STK10: variants seen among roughly 807,000 people sequenced by gnomAD.
The protein encoded by STK10 is serine/threonine-protein kinase 10.
STK10 carries 78 observed loss-of-function variants against 113.8 expected under a neutral mutation model. The observed-to-expected ratio is 0.69, with a 90% CI of 0.57 to 0.83. STK10 has a LOEUF of 0.83. Ranked by LOEUF, STK10 falls within the 40% of genes least tolerant of loss-of-function variation. The pLI, the probability that STK10 is intolerant of heterozygous loss-of-function variation, is 0.00. For synonymous variants in STK10, 465 were observed against 494.7 expected, an observed-to-expected ratio of 0.94 and a Z score of 0.80; for missense variants, 1,109 against 1,280.1, an observed-to-expected ratio of 0.87 and a Z score of 2.04.
At chr5:172,118,707 T>C (rs1303748470) in intron 3 of STK10, among the ~76,000 whole-genome samples, 1 of 151,664 alleles carries the variant, frequency 6.6e-6, no homozygotes, top group Non-Finnish European at 1.5e-5. Context: ...GATGAAACCT[T>C]GTCTCTACTA....
At chr5:172,121,973 C>T (rs371839352) in intron 3 of STK10, among the ~76,000 whole-genome samples, 1 of 151,596 alleles carries the variant, frequency 6.6e-6, no homozygotes, top group East Asian at 1.9e-4. Flanking sequence ...TCAAGCGATT[C>T]TCCTGCCTCT....
At chr5:172,174,191 G>A (rs1770712389) in intron 1 of STK10, among the ~76,000 whole-genome samples, 1 of 151,856 alleles carries the variant, frequency 6.6e-6, no homozygotes, top group Non-Finnish European at 1.5e-5. Context: ...TTTTTTTTGA[G>A]ACGGCGTTTC....
At chr5:172,095,645 T>C (rs1276684457) in intron 8 of STK10, among the ~76,000 whole-genome samples, 1 of 152,248 alleles carries the variant, frequency 6.6e-6, no homozygotes, top group Non-Finnish European at 1.5e-5. Context: ...TTCTTCACCC[T>C]GGTGAGGGTC....
At chr5:172,181,365 G>A (rs10044273) in intron 1 of STK10, among the ~76,000 whole-genome samples, 30,331 of 152,022 alleles carry the variant, frequency 0.2, 3,581 homozygotes, top group African/African-American at 0.34. Flanking sequence ...TAAGGCCTCT[G>A]GTTTTTACTG....
At chr5:172,054,834 C>T in intron 16 of STK10, 140 bp from the exon 17 acceptor site, 1 of 1,268,894 alleles carries the variant, frequency 7.9e-7, no homozygotes, top group Non-Finnish European at 1.1e-6. Flanking sequence ...CCACCTCAGG[C>T]TGTGCCCGTG....
chr5:172,046,931 A>G (rs1767506101), intron 18 of STK10, among the ~76,000 whole-genome samples: 1 of 152,252 alleles, frequency 6.6e-6, no homozygotes, highest in South Asian at 2.1e-4. Context: ...GCCAGGGTTC[A>G]GGAGGGAAGA....
intron 7 of STK10, among the ~76,000 whole-genome samples, chr5:172,102,720 C>G (rs570706067): frequency 1.3e-5 from 2 of 152,144 alleles, no homozygotes; most frequent in Non-Finnish European, 2.9e-5. Flanking sequence ...CGCTGACAAC[C>G]TTGACAAGAG....
intron 10 of STK10, among the ~76,000 whole-genome samples, chr5:172,089,441 GAT>G (rs1768642688): frequency 1.3e-5 from 2 of 152,016 alleles, no homozygotes; most frequent in Admixed American, 6.6e-5. Flanking sequence ...TGGATGGATG[GAT>G]GGATGGTTAG....
At chr5:172,136,814 C>A (rs1270482222) in intron 2 of STK10, among the ~76,000 whole-genome samples, 1 of 147,132 alleles carries the variant, frequency 6.8e-6, no homozygotes, top group Admixed American at 6.7e-5. Context: ...TTCATGAGAG[C>A]CTTTATTATT....
At chr5:172,138,491 G>C (rs965271390) in intron 2 of STK10, among the ~76,000 whole-genome samples, 1 of 151,784 alleles carries the variant, frequency 6.6e-6, no homozygotes, top group African/African-American at 2.4e-5. Flanking sequence ...ATGCAAGAAA[G>C]TTAGAATTAA....
At chr5:172,121,313 G>A (rs1388578332) in intron 3 of STK10, among the ~76,000 whole-genome samples, 1 of 151,968 alleles carries the variant, frequency 6.6e-6, no homozygotes, top group Admixed American at 6.6e-5. Context: ...TTATATGCAT[G>A]AGCCACTGCG....
In STK10 at chr5:172,117,588, C is replaced by G; in HGVS notation, c.413G>C (p.Cys138Ser). 6.2e-7 allele frequency: 1 copy of G among 1,614,100 alleles called. No individual in the cohort carries two copies. The highest frequency in any genetic ancestry group is 8.5e-7 in the Non-Finnish European group (1 of 1,180,034). Residue 138 changes from cysteine to serine, a missense_variant, in exon 4 of 19, where the codon TGC becomes TCC. This residue lies in a region of STK10 where 120 missense variants were observed against 134.8 expected (regional missense o/e 0.89). Transcript: ENST00000176763. ...GTTGAGGGCTTCTAGCATCTGGCGG[C>G]AAACCACCTGTATCTGGGGCTCCGT... is the stretch of plus-strand genomic sequence containing the variant. ...GLTEPQIQVV[C>S]RQMLEALNFL...
chr5:172,050,900 A>C (rs1218315181), intron 18 of STK10, among the ~76,000 whole-genome samples: 1 of 151,836 alleles, frequency 6.6e-6, no homozygotes, highest in African/African-American at 2.4e-5. Context: ...TTTTGTAGAG[A>C]TGAGGTTTCA....
At chr5:172,065,378 C>T (rs1768046836) in intron 12 of STK10, among the ~76,000 whole-genome samples, 1 of 150,808 alleles carries the variant, frequency 6.6e-6, no homozygotes, top group African/African-American at 2.4e-5. Context: ...GTGTGCACCA[C>T]CACACCTGGC....
At chr5:172,086,717 C>G (rs945693174) in intron 10 of STK10, among the ~76,000 whole-genome samples, 1 of 152,226 alleles carries the variant, frequency 6.6e-6, no homozygotes. Context: ...GCCTTCCACA[C>G]CCCTGTGGTC....
intron 4 of STK10, among the ~76,000 whole-genome samples, chr5:172,115,932 A>T (rs1581164198): frequency 6.6e-6 from 1 of 152,150 alleles, no homozygotes; most frequent in Non-Finnish European, 1.5e-5. Context: ...TGACTGGTCC[A>T]CCTGCCAAGT....
At chr5:172,123,769 T>C (rs1464764835) in intron 3 of STK10, among the ~76,000 whole-genome samples, 2 of 151,946 alleles carry the variant, frequency 1.3e-5, no homozygotes, top group Non-Finnish European at 2.9e-5. Context: ...TTCTACCCTG[T>C]TGTCTACCCT....
At chr5:172,118,929 C>T (rs1769445076) in intron 3 of STK10, among the ~76,000 whole-genome samples, 1 of 149,234 alleles carries the variant, frequency 6.7e-6, no homozygotes, top group East Asian at 2.0e-4. Context: ...TCTTCGGTGA[C>T]CCATTTTCTC....
At chr5:172,163,325 C>T (rs1770504802) in intron 1 of STK10, among the ~76,000 whole-genome samples, 2 of 152,124 alleles carry the variant, frequency 1.3e-5, no homozygotes, top group African/African-American at 4.8e-5. Context: ...AAGGCTGGAT[C>T]CAATTCAAGC....
Sources: allele counts gnomAD v4.1 joint callset (sites outside exome capture counted in the v4.1 genomes callset), GRCh38; gene constraint gnomAD v4.1.1; regional missense constraint gnomAD v4.1.1; transcripts MANE v1.5; gene names NCBI Gene and HGNC (gene_info 2026-07-23, HGNC 2026-07-21).